The following TBC1D22B variants were observed in gnomAD, a reference collection of about 807,000 sequenced individuals.
TBC1D22B encodes the protein TBC1 domain family member 22B.
A neutral mutation model predicts 69.1 loss-of-function variants in TBC1D22B; 32 were observed. That is an observed-to-expected ratio of 0.46 (90% CI 0.35 to 0.62). The LOEUF is 0.62. TBC1D22B is among the 20% of genes least tolerant of loss of function. TBC1D22B has a pLI of 0.00. For missense variants in TBC1D22B, 462 were observed against 630.9 expected (o/e 0.73, Z 2.87); for synonymous variants, 206 against 229.8 (o/e 0.90, Z 0.94).
intron 8 of TBC1D22B, among the ~76,000 whole-genome samples, chr6:37,301,595 A>AT (rs1027245008): frequency 6.6e-6 from 1 of 152,158 alleles, no homozygotes; most frequent in African/African-American, 2.4e-5. Context: ...ATGGCCAAAT[A>AT]TTCTATTATA....
chr6:37,283,612 C>T (rs1357615309), intron 5 of TBC1D22B, among the ~76,000 whole-genome samples: 1 of 152,206 alleles, frequency 6.6e-6, no homozygotes, highest in African/African-American at 2.4e-5. Context: ...ACTGCTCGCC[C>T]CCACCTCTAC....
chr6:37,288,956 A>G (rs944645219), intron 7 of TBC1D22B, among the ~76,000 whole-genome samples: 7 of 152,106 alleles, frequency 4.6e-5, no homozygotes, highest in Middle Eastern at 3.4e-3. Flanking sequence ...TGGCATGATC[A>G]TAGCTCACTG....
intron 8 of TBC1D22B, among the ~76,000 whole-genome samples, chr6:37,307,160 A>G (rs1251224295): frequency 3.7e-4 from 56 of 152,210 alleles, no homozygotes; most frequent in Admixed American, 3.7e-3. Context: ...ATACGTTTAT[A>G]TATAGCGCTT....
chr6:37,261,971 G>C (rs1443454569), intron 1 of TBC1D22B, among the ~76,000 whole-genome samples: 1 of 147,704 alleles, frequency 6.8e-6, no homozygotes, highest in Non-Finnish European at 1.5e-5. Flanking sequence ...GTGTGTGTGT[G>C]TGTGTGTGTG....
intron 3 of TBC1D22B, among the ~76,000 whole-genome samples, chr6:37,280,918 T>C (rs1766806383): frequency 6.6e-6 from 1 of 152,068 alleles, no homozygotes; most frequent in South Asian, 2.1e-4. Context: ...GAAATTTACC[T>C]CTGTCTCAGC....
intron 8 of TBC1D22B, among the ~76,000 whole-genome samples, chr6:37,311,841 TTC>T (rs1332835450): frequency 1.3e-5 from 2 of 152,330 alleles, no homozygotes; most frequent in Middle Eastern, 3.4e-3. Context: ...GCTTGATTGT[TTC>T]TGTGTGTGGC....
intron 1 of TBC1D22B, 80 bp downstream of exon 1, chr6:37,258,053 G>A: frequency 6.6e-7 from 1 of 1,516,630 alleles, no homozygotes. Flanking sequence ...GCGGGCCTGG[G>A]GCGCCACAGA....
At chr6:37,308,355 C>T (rs1581618901) in intron 8 of TBC1D22B, among the ~76,000 whole-genome samples, 1 of 152,184 alleles carries the variant, frequency 6.6e-6, no homozygotes. Flanking sequence ...GAATGAAGCC[C>T]TTCAGAGAGC....
intron 7 of TBC1D22B, among the ~76,000 whole-genome samples, chr6:37,287,553 C>T (rs747522294): frequency 7.2e-5 from 11 of 152,196 alleles, no homozygotes; most frequent in Non-Finnish European, 8.8e-5. Flanking sequence ...TATTAACTCT[C>T]TTCTGCAGCC....
intron 8 of TBC1D22B, among the ~76,000 whole-genome samples, chr6:37,306,134 C>G (rs957606388): frequency 1.3e-5 from 2 of 152,192 alleles, no homozygotes; most frequent in African/African-American, 4.8e-5. Flanking sequence ...GCGTCCAGTG[C>G]TGGATTTCCT....
Position 37,284,368 on chromosome 6 carries a change from G to C in TBC1D22B, c.705G>C (p.Lys235Asn), listed in dbSNP as rs775335389. ...TCCCAGCAAACACTGAGAGGAGGAA[G>C]TTGACCCTGCAGCGGAAGCGGGAGG... ...GYLPANTERR[K>N]LTLQRKREEY... The change falls in exon 6 of 13, where the codon AAG (lysine) becomes AAC (asparagine). Residue 235 changes from lysine to asparagine, a missense_variant. Physicochemically the swap from Lys to Asn is moderately conservative, Grantham distance 94 (BLOSUM62 0). This residue lies in a region of TBC1D22B where 225 missense variants were observed against 375.4 expected (regional missense o/e 0.60). Coordinates refer to ENST00000373491, the MANE Select transcript of TBC1D22B (RefSeq NM_017772.4). 1.2e-6 allele frequency: 2 copies of C among 1,613,938 alleles called. No individual in the cohort carries two copies. Among genetic ancestry groups the C allele is most frequent in the African/African-American group, 1.3e-5 (1 of 74,916 alleles).
In TBC1D22B at chr6:37,279,348, A is replaced by G. The variant is rs779948706; in HGVS notation, c.158A>G (p.Asn53Ser). Residue 53 changes from asparagine to serine, a missense_variant, in exon 3 of 13, where the codon AAT becomes AGT. Physicochemically the swap from Asn to Ser is conservative, Grantham distance 46. Around this residue, in one of 2 missense-constraint regions of TBC1D22B, gnomAD observed 237 missense variants for 255.4 expected, o/e 0.93. Coordinates refer to ENST00000373491, the MANE Select transcript of TBC1D22B (RefSeq NM_017772.4). The part of the protein sequence containing the change: ...RSKVNTVPLK[N>S]KKASSFHEFA... ...AAAGTCAACACAGTTCCTCTGAAGA[A>G]TAAGAAGGCCTCCAGTTTTCATGAG... is the stretch of plus-strand genomic sequence containing the variant. 5 of 1,613,346 alleles carry G rather than the reference A, an allele frequency of 3.1e-6. No homozygotes were observed. In the South Asian group the frequency reaches 4.4e-5, roughly 14 times the overall value.
At chr6:37,292,248 G>GTT (rs3839380) in intron 8 of TBC1D22B, among the ~76,000 whole-genome samples, 3 of 152,094 alleles carry the variant, frequency 2.0e-5, no homozygotes, top group South Asian at 4.2e-4. Context: ...GATGATTGTG[G>GTT]TTTTTGGAGG....
chr6:37,316,246 G>T (rs1386277171), intron 10 of TBC1D22B, among the ~76,000 whole-genome samples: 3 of 152,192 alleles, frequency 2.0e-5, no homozygotes, highest in African/African-American at 7.2e-5. Flanking sequence ...TGGAGTTTGT[G>T]AGCCCCTTTC....
intron 3 of TBC1D22B, among the ~76,000 whole-genome samples, chr6:37,280,288 G>C (rs772477433): frequency 6.6e-6 from 1 of 152,152 alleles, no homozygotes; most frequent in African/African-American, 2.4e-5. Flanking sequence ...TGCCCTAATG[G>C]GTTTTATAAA....
intron 4 of TBC1D22B, 58 bp from the exon 5 acceptor site, chr6:37,282,824 G>A (rs958514816): frequency 9.8e-6 from 15 of 1,534,424 alleles, no homozygotes; most frequent in Admixed American, 1.7e-5. Flanking sequence ...TGCTGGTTGC[G>A]GTTTGCTTTA....
At chr6:37,330,884 T>C (rs959750120) in intron 12 of TBC1D22B, among the ~76,000 whole-genome samples, 160 bp from the exon 13 acceptor site, 1 of 152,180 alleles carries the variant, frequency 6.6e-6, no homozygotes, top group African/African-American at 2.4e-5. Flanking sequence ...GAACTAGGAC[T>C]GAAAGCTGTG....
Position 37,257,878 on chromosome 6 carries a change from A to G in TBC1D22B, c.-40A>G, listed in dbSNP as rs1282608846. 26 of 1,606,128 alleles carry G rather than the reference A, an allele frequency of 1.6e-5. No individual in the cohort carries two copies. The highest frequency in any genetic ancestry group is 1.7e-5 in the Non-Finnish European group (20 of 1,176,506). On this transcript the variant is annotated 5_prime_UTR_variant, in exon 1 of 13. Transcript: ENST00000373491. ...GGTCTGGGGGCATCTCGCCGGGCAA[A>G]CCCTTGGCCCGCCTACAAGGACTTC...
chr6:37,275,937 G>C (rs1246675592), intron 2 of TBC1D22B, among the ~76,000 whole-genome samples: 20 of 147,722 alleles, frequency 1.4e-4, no homozygotes, highest in Non-Finnish European at 1.1e-4. Context: ...TTCACTTCTT[G>C]CTTTGCTGTT....
Sources: allele counts gnomAD v4.1 joint callset (sites outside exome capture counted in the v4.1 genomes callset), GRCh38; gene constraint gnomAD v4.1.1; regional missense constraint gnomAD v4.1.1; transcripts MANE v1.5; gene names NCBI Gene and HGNC (gene_info 2026-07-23, HGNC 2026-07-21).